Variants in GALNTL6 observed in about 807,000 individuals in gnomAD.
The protein encoded by GALNTL6 is polypeptide N-acetylgalactosaminyltransferase like 6.
In GALNTL6, 46 loss-of-function variants were observed where a neutral mutation model predicts 73.7. The observed-to-expected ratio is 0.62, with a 90% CI of 0.49 to 0.80. The LOEUF is 0.80. Among genes scored for constraint, GALNTL6 ranks in the 30% least tolerant of loss-of-function variants. The pLI, the probability that GALNTL6 is intolerant of heterozygous loss-of-function variation, is 0.00. For missense variants in GALNTL6, 604 were observed against 755.0 expected, an observed-to-expected ratio of 0.80 and a Z score of 2.34; for synonymous variants, 259 against 263.7, an observed-to-expected ratio of 0.98 and a Z score of 0.17.
At chr4:172,788,662 A>G (rs1739814442) in intron 5 of GALNTL6, among the ~76,000 whole-genome samples, 1 of 125,548 alleles carries the variant, frequency 8.0e-6, no homozygotes. Flanking sequence ...ACAGGGCAAG[A>G]CTCCGTCTCA....
intron 5 of GALNTL6, among the ~76,000 whole-genome samples, chr4:172,678,598 G>A (rs1732441566): frequency 6.6e-6 from 1 of 152,180 alleles, no homozygotes; most frequent in South Asian, 2.1e-4. Context: ...ACCTGCCTCA[G>A]CCTAGTAATT....
At position 172,921,657 on chromosome 4, in the gene GALNTL6, C is replaced by T. The variant is rs187148798; in HGVS notation, c.1042-9504C>T. On this transcript the variant is annotated intron_variant, in intron 8 of 12. Transcript: ENST00000506823. ...TAAAAATACAAAGATCAGCTGGGTGCGGCGGTGGGCCTCTATAATCCCAGC... is the reference window on the plus strand; with the variant it reads ...TAAAAATACAAAGATCAGCTGGGTGTGGCGGTGGGCCTCTATAATCCCAGC... Among the ~76,000 whole-genome samples, 631 of 151,780 alleles carry T rather than the reference C, an allele frequency of 4.2e-3. 9 individuals are homozygous for T. Among genetic ancestry groups the T allele is most frequent in the Middle Eastern group, 6.8e-3 (2 of 294 alleles).
Position 172,343,682 on chromosome 4 carries a change from G to A in GALNTL6, c.387-4841G>A, listed in dbSNP as rs776024495. ...ATGCCAATATAAAAAATCAGAAAAC[G>A]TTTATGTATTCTGTTTTGGAAAAAC... On this transcript the variant is annotated intron_variant, in intron 4 of 12. Coordinates refer to ENST00000506823, the MANE Select transcript of GALNTL6 (RefSeq NM_001034845.3). Among the ~76,000 whole-genome samples the A allele has an allele frequency of 1.3e-3, 192 of 151,938 alleles. 1 individual carries two copies. The highest frequency in any genetic ancestry group is 3.8e-4 in the Non-Finnish European group (26 of 67,942).
intron 5 of GALNTL6, among the ~76,000 whole-genome samples, chr4:172,687,318 G>A (rs768857887): frequency 4.6e-5 from 7 of 152,028 alleles, no homozygotes; most frequent in Non-Finnish European, 8.8e-5. Flanking sequence ...TTTTAAGTGG[G>A]TTGAGAATTA....
At chr4:172,531,298 T>C (rs1735161650) in intron 5 of GALNTL6, among the ~76,000 whole-genome samples, 2 of 152,346 alleles carry the variant, frequency 1.3e-5, no homozygotes, top group South Asian at 2.1e-4. Context: ...TTGCATGGGC[T>C]GTCTCAAAAG....
At chr4:172,120,635 C>T (rs1733122372) in intron 2 of GALNTL6, among the ~76,000 whole-genome samples, 1 of 151,530 alleles carries the variant, frequency 6.6e-6, no homozygotes, top group Non-Finnish European at 1.5e-5. Context: ...CACCCTAACA[C>T]ACAAGAGTAT....
Position 172,797,122 on chromosome 4 carries a change from T to C in GALNTL6, c.554-12239T>C, listed in dbSNP as rs571175679. Among the ~76,000 whole-genome samples the C allele has an allele frequency of 1.4e-4, 21 of 152,348 alleles. No individual in the cohort carries two copies. The East Asian group carries it at 4.0e-3, about 29-fold the overall frequency. On this transcript the variant is annotated intron_variant, in intron 5 of 12. Transcript: ENST00000506823. ...AAGAAAAATAATACGGCCATTAGCA[T>C]GCATGAGTCAGATACTTTTAAACTG...
chr4:172,033,634 G>GA (rs1021124877), intron 2 of GALNTL6, among the ~76,000 whole-genome samples: 5 of 151,388 alleles, frequency 3.3e-5, no homozygotes, highest in African/African-American at 4.8e-5. Flanking sequence ...TAAAATAGTT[G>GA]AAAAAAAATC....
At chr4:172,075,737 T>C (rs1251859951) in intron 2 of GALNTL6, among the ~76,000 whole-genome samples, 1 of 151,682 alleles carries the variant, frequency 6.6e-6, no homozygotes, top group African/African-American at 2.4e-5. Flanking sequence ...TCTAATACCC[T>C]GCCAGAAATG....
At chr4:172,259,560 A>T (rs532234976) in intron 3 of GALNTL6, among the ~76,000 whole-genome samples, 6 of 150,120 alleles carry the variant, frequency 4.0e-5, no homozygotes, top group Non-Finnish European at 8.9e-5. Context: ...TCTGTGGGTT[A>T]TCTGTTTACT....
intron 4 of GALNTL6, among the ~76,000 whole-genome samples, chr4:172,314,078 C>A (rs916731500): frequency 6.6e-6 from 1 of 152,138 alleles, no homozygotes; most frequent in African/African-American, 2.4e-5. Flanking sequence ...GTACATTTAA[C>A]CACAAGAGTA....
chr4:172,756,386 G>C (rs1051533266), intron 5 of GALNTL6, among the ~76,000 whole-genome samples: 1 of 152,216 alleles, frequency 6.6e-6, no homozygotes, highest in African/African-American at 2.4e-5. Context: ...GCTCACGCCT[G>C]TAATCCCAGC....
At chr4:172,475,950 T>G (rs1733214758) in intron 5 of GALNTL6, among the ~76,000 whole-genome samples, 3 of 152,228 alleles carry the variant, frequency 2.0e-5, no homozygotes, top group African/African-American at 7.2e-5. Context: ...TTTGCAGCAT[T>G]TACTTGCATC....
At chr4:171,947,397 C>G (rs1489600299) in intron 2 of GALNTL6, among the ~76,000 whole-genome samples, 1 of 151,882 alleles carries the variant, frequency 6.6e-6, no homozygotes, top group African/African-American at 2.4e-5. Flanking sequence ...TTAGGGTTAA[C>G]TTTTGCCTGC....
intron 5 of GALNTL6, among the ~76,000 whole-genome samples, chr4:172,440,941 T>G (rs1210096542): frequency 6.6e-6 from 1 of 152,150 alleles, no homozygotes; most frequent in Non-Finnish European, 1.5e-5. Context: ...TTTATCTTTT[T>G]GTGTATTTAT....
At chr4:171,838,930 C>CTCTCTGCCG (rs1735172414) in intron 2 of GALNTL6, among the ~76,000 whole-genome samples, 1 of 152,140 alleles carries the variant, frequency 6.6e-6, no homozygotes, top group Admixed American at 6.5e-5. Context: ...CTAGGGACTG[C>CTCTCTGCCG]TCTCTGCCGT....
chr4:172,658,679 A>G (rs1446837267), intron 5 of GALNTL6, among the ~76,000 whole-genome samples: 1 of 152,102 alleles, frequency 6.6e-6, no homozygotes, highest in Non-Finnish European at 1.5e-5. Context: ...ATCAAAATGC[A>G]TTGAAGTCTA....
chr4:172,371,884 T>C (rs1465021961), intron 5 of GALNTL6, among the ~76,000 whole-genome samples: 1 of 152,206 alleles, frequency 6.6e-6, no homozygotes, highest in African/African-American at 2.4e-5. Context: ...AATAACTCCA[T>C]AATTTCCTTG....
chr4:172,802,828 A>T (rs1275561813), intron 5 of GALNTL6, among the ~76,000 whole-genome samples: 1 of 151,956 alleles, frequency 6.6e-6, no homozygotes, highest in African/African-American at 2.4e-5. Flanking sequence ...AACAACAACA[A>T]CAAAAACGAG....
Sources: gnomAD v4.1 joint callset for allele counts (sites outside exome capture counted in the v4.1 genomes callset) on GRCh38, gnomAD v4.1.1 for gene constraint, MANE v1.5 for transcripts, NCBI Gene and HGNC (gene_info 2026-07-23, HGNC 2026-07-21) for gene names.